Variants in SLC2A13 observed in about 807,000 individuals in gnomAD.
SLC2A13 encodes proton myo-inositol cotransporter.
Under a neutral mutation model 64.4 loss-of-function variants are expected in SLC2A13, and 32 were observed. That is an observed-to-expected ratio of 0.50 (90% CI 0.37 to 0.67). The LOEUF is 0.67. SLC2A13 is among the 30% of genes least tolerant of loss of function. The pLI is 0.00. For synonymous variants in SLC2A13, 338 were observed against 327.1 expected, an observed-to-expected ratio of 1.03 and a Z score of -0.36; for missense variants, 743 against 829.2, an observed-to-expected ratio of 0.90 and a Z score of 1.28.
chr12:39,924,807 T>A (rs576496897), intron 4 of SLC2A13, among the ~76,000 whole-genome samples: 24 of 151,836 alleles, frequency 1.6e-4, no homozygotes, highest in South Asian at 8.3e-4. Context: ...GTGTTTTGCA[T>A]GACAGAAAGC....
At chr12:39,807,664 TTTTCTA>T (rs1942020129) in intron 7 of SLC2A13, among the ~76,000 whole-genome samples, 1 of 152,126 alleles carries the variant, frequency 6.6e-6, no homozygotes, top group Non-Finnish European at 1.5e-5. Flanking sequence ...ATGATTTAGT[TTTTCTA>T]TTTCTTTTTG....
At chr12:40,049,214 T>TAAA (rs199668365) in intron 1 of SLC2A13, among the ~76,000 whole-genome samples, 1 of 144,430 alleles carries the variant, frequency 6.9e-6, no homozygotes, top group African/African-American at 2.5e-5. Context: ...AAAGCCTCCA[T>TAAA]AAAAAAAAAA....
At position 40,105,872 on chromosome 12, in the gene SLC2A13, A is replaced by G; in HGVS notation, c.-64T>C. On this transcript the variant is annotated 5_prime_UTR_variant, in exon 1 of 10. Transcript: ENST00000280871. This position sits in a 1 kb window ranked among gnomAD's most constrained non-coding sequence, Gnocchi z 4.2. ...CGCGGGCCGGCAGTCTCGGCGAGCT[A>G]GACAGCCCGAGCCGGCGGGAGCAAC... 1 of 1,288,766 alleles carries G rather than the reference A, an allele frequency of 7.8e-7. No homozygotes were observed. Among genetic ancestry groups the G allele is most frequent in the Non-Finnish European group, 9.8e-7 (1 of 1,018,488 alleles). 79.8% of individuals were successfully genotyped at this position (1,288,766 alleles called of 1,614,324 possible). A position where few individuals can be genotyped will look rare whatever the true frequency, so the allele number is the denominator to read the frequency against.
At chr12:39,991,211 T>C (rs968033765) in intron 3 of SLC2A13, among the ~76,000 whole-genome samples, 1 of 152,220 alleles carries the variant, frequency 6.6e-6, no homozygotes, top group African/African-American at 2.4e-5. Flanking sequence ...AGCAGAGTTC[T>C]CAAATCCTTT....
chr12:39,800,427 T>C (rs915003045), intron 7 of SLC2A13, among the ~76,000 whole-genome samples: 19 of 147,596 alleles, frequency 1.3e-4, no homozygotes, highest in Non-Finnish European at 2.5e-4. Flanking sequence ...CATCAAAAAG[T>C]GGGCGAAGGA....
intron 3 of SLC2A13, among the ~76,000 whole-genome samples, chr12:39,988,425 C>T (rs910474113): frequency 5.3e-5 from 8 of 149,702 alleles, no homozygotes; most frequent in African/African-American, 2.0e-4. Flanking sequence ...AGATATGTTA[C>T]TTATTGTGTG....
At chr12:39,958,923 T>C (rs1164394464) in intron 3 of SLC2A13, among the ~76,000 whole-genome samples, 1 of 152,064 alleles carries the variant, frequency 6.6e-6, no homozygotes, top group Non-Finnish European at 1.5e-5. Context: ...CTGGATTATG[T>C]CGGGTGTGTA....
intron 1 of SLC2A13, among the ~76,000 whole-genome samples, chr12:40,073,049 A>G (rs1938024602): frequency 6.6e-6 from 1 of 152,098 alleles, no homozygotes; most frequent in South Asian, 2.1e-4. Context: ...TGCTGGCCCT[A>G]GAGTTTGCAA....
chr12:39,960,875 G>A (rs1411880412), intron 3 of SLC2A13, among the ~76,000 whole-genome samples: 1 of 147,840 alleles, frequency 6.8e-6, no homozygotes, highest in Non-Finnish European at 1.5e-5. Flanking sequence ...GACCTCTCGA[G>A]TGGCTGAGAT....
intron 3 of SLC2A13, among the ~76,000 whole-genome samples, chr12:40,014,489 CA>C (rs1947586100): frequency 1.3e-5 from 2 of 151,966 alleles, no homozygotes; most frequent in African/African-American, 4.8e-5. Flanking sequence ...AAAAGATATT[CA>C]TTTTTTTTTC....
In SLC2A13 at chr12:39,945,910, G is replaced by T. The variant is rs552822424; in HGVS notation, c.1034+5347C>A. 7.0e-3 allele frequency among the ~76,000 whole-genome samples: 788 copies of T among 112,004 alleles called. 7 individuals are homozygous for T. The highest frequency in any genetic ancestry group is 0.02 in the South Asian group (73 of 3,704). 73.5% of individuals were successfully genotyped at this position (112,004 alleles called of 152,430 possible). A position where few individuals can be genotyped will look rare whatever the true frequency, so the allele number is the denominator to read the frequency against. Reference sequence around the variant, plus strand: ...TGCTGGTGAATTAGCGTGATTTTTTGTGGGGGGGTGTTGAAGAGCCTTGTT... The same window carrying T: ...TGCTGGTGAATTAGCGTGATTTTTTTTGGGGGGGTGTTGAAGAGCCTTGTT... On this transcript the variant is annotated intron_variant, in intron 4 of 9. Coordinates refer to ENST00000280871, the MANE Select transcript of SLC2A13 (RefSeq NM_052885.4).
rs1407346580 is a variant in SLC2A13 at position 40,043,138 on chromosome 12, T to C, written c.716+4913A>G. Among the ~76,000 whole-genome samples, 3 of 152,010 alleles carry C rather than the reference T, an allele frequency of 2.0e-5. No homozygotes were observed. In the East Asian group the frequency reaches 5.8e-4, roughly 29 times the overall value. Reference sequence around the variant, plus strand: ...TTAATTTTTTTTTCCCTGTAGGAAATAGACAGTCTTGAAACATTTTACTAG... The same window carrying C: ...TTAATTTTTTTTTCCCTGTAGGAAACAGACAGTCTTGAAACATTTTACTAG... On this transcript the variant is annotated intron_variant, in intron 2 of 9. Coordinates refer to ENST00000280871, the MANE Select transcript of SLC2A13 (RefSeq NM_052885.4).
intron 4 of SLC2A13, among the ~76,000 whole-genome samples, chr12:39,928,355 C>T (rs2136067555): frequency 6.6e-6 from 1 of 152,168 alleles, no homozygotes; most frequent in South Asian, 2.1e-4. Flanking sequence ...TGTACTTACT[C>T]AATTTGAGAG....
At chr12:39,894,898 G>T (rs551241462) in intron 4 of SLC2A13, among the ~76,000 whole-genome samples, 1 of 152,140 alleles carries the variant, frequency 6.6e-6, no homozygotes, top group Non-Finnish European at 1.5e-5. Context: ...TGAAACCATC[G>T]GATGCTTACA....
intron 7 of SLC2A13, among the ~76,000 whole-genome samples, chr12:39,810,714 G>A (rs1942131258): frequency 6.6e-6 from 1 of 152,050 alleles, no homozygotes. Context: ...TTTATTTTCT[G>A]TATGTATTAA....
At chr12:39,899,914 T>C (rs1945038563) in intron 4 of SLC2A13, among the ~76,000 whole-genome samples, 1 of 152,064 alleles carries the variant, frequency 6.6e-6, no homozygotes, top group African/African-American at 2.4e-5. Context: ...TGTGGTCAAT[T>C]TTGGAATAGG....
intron 4 of SLC2A13, among the ~76,000 whole-genome samples, chr12:39,896,215 C>T (rs1304309031): frequency 3.6e-5 from 5 of 139,728 alleles, no homozygotes; most frequent in Admixed American, 2.1e-4. Context: ...CATGTATATA[C>T]GTATACATAT....
intron 6 of SLC2A13, among the ~76,000 whole-genome samples, chr12:39,855,804 T>C (rs975648225): frequency 2.6e-5 from 4 of 152,238 alleles, no homozygotes; most frequent in Non-Finnish European, 5.9e-5. Flanking sequence ...TCTAATTTAA[T>C]CAATATACAA....
intron 4 of SLC2A13, chr12:39,949,518 T>A (rs1324923381): frequency 6.6e-6 from 1 of 152,224 alleles, no homozygotes. Context: ...TTATTAAAAT[T>A]TGACAGCATC....
Sources: gnomAD v4.1 joint callset for allele counts (sites outside exome capture counted in the v4.1 genomes callset) on GRCh38, gnomAD v4.1.1 for gene constraint, Gnocchi (gnomAD v3.1) non-coding constraint, MANE v1.5 for transcripts, NCBI Gene and HGNC (gene_info 2026-07-23, HGNC 2026-07-21) for gene names.